STX17: variants seen among roughly 807,000 people sequenced by gnomAD.
The protein encoded by STX17 is syntaxin-17.
STX17 carries 29 observed loss-of-function variants against 35.9 expected under a neutral mutation model. The ratio of observed to expected loss-of-function variants is 0.81; its 90% CI spans 0.60 to 1.10. The LOEUF is 1.10. STX17 is among the 50% of genes least tolerant of loss of function. The pLI, the probability that STX17 is intolerant of heterozygous loss-of-function variation, is 0.00. For synonymous variants in STX17, 92 were observed against 118.3 expected (o/e 0.78, Z 1.44); for missense variants, 312 against 352.3 (o/e 0.89, Z 0.92).
At chr9:99,917,922 C>T (rs2118321249) in intron 2 of STX17, among the ~76,000 whole-genome samples, 1 of 152,214 alleles carries the variant, frequency 6.6e-6, no homozygotes, top group East Asian at 1.9e-4. Context: ...CTCATAGTAA[C>T]AGAGGTAGTC....
chr9:99,961,596 T>C (rs141225689), intron 6 of STX17, among the ~76,000 whole-genome samples: 23 of 152,270 alleles, frequency 1.5e-4, no homozygotes, highest in African/African-American at 5.3e-4. Flanking sequence ...TGTATGTATA[T>C]TTATGTATGT....
At chr9:99,966,034 T>G (rs1829905339) in intron 6 of STX17, among the ~76,000 whole-genome samples, 1 of 152,248 alleles carries the variant, frequency 6.6e-6, no homozygotes, top group South Asian at 2.1e-4. Flanking sequence ...GCCCTTGATC[T>G]GAGCACATAT....
At chr9:99,933,521 A>G (rs1453219034) in intron 3 of STX17, among the ~76,000 whole-genome samples, 1 of 152,084 alleles carries the variant, frequency 6.6e-6, no homozygotes, top group Non-Finnish European at 1.5e-5. Flanking sequence ...TACAATATCT[A>G]GTTTTCCTGC....
chr9:99,952,249 C>T (rs1829616378), intron 4 of STX17, among the ~76,000 whole-genome samples: 1 of 152,156 alleles, frequency 6.6e-6, no homozygotes, highest in African/African-American at 2.4e-5. Flanking sequence ...CAAAAGAAGA[C>T]ATTTATGCAG....
chr9:99,944,601 G>A (rs184323332), intron 3 of STX17, among the ~76,000 whole-genome samples: 20 of 150,938 alleles, frequency 1.3e-4, no homozygotes, highest in African/African-American at 4.4e-4. Context: ...TGCAACCTCC[G>A]CCTCTTGGGT....
At position 99,914,537 on chromosome 9, in the gene STX17, G is replaced by A. The variant is rs145559835; in HGVS notation, c.-62-641G>A. On this transcript the variant is annotated intron_variant, in intron 1 of 7. Coordinates refer to ENST00000259400, the MANE Select transcript of STX17 (RefSeq NM_017919.3). The stretch of plus-strand genomic sequence containing the variant: ...TTTCAATGTAATTTCAGAAAATCTG[G>A]GTTCTTATTCCAGCTCTGTCACTGG... Among the ~76,000 whole-genome samples the A allele has an allele frequency of 3.3e-5, 5 of 152,192 alleles. No individual in the cohort carries two copies. The East Asian group carries it at 5.8e-4, about 18-fold the overall frequency.
chr9:99,938,925 A>T (rs1411511635), intron 3 of STX17, among the ~76,000 whole-genome samples: 1 of 152,138 alleles, frequency 6.6e-6, no homozygotes, highest in Non-Finnish European at 1.5e-5. Context: ...GATTTCTGGG[A>T]TCCACATTAG....
At chr9:99,942,742 T>C (rs530486939) in intron 3 of STX17, among the ~76,000 whole-genome samples, 388 of 152,340 alleles carry the variant, frequency 2.5e-3, no homozygotes, top group South Asian at 4.1e-3. Context: ...GCTTTATTTT[T>C]TTTTCATAAG....
At chr9:99,942,086 C>T (rs989383257) in intron 3 of STX17, among the ~76,000 whole-genome samples, 6 of 152,124 alleles carry the variant, frequency 3.9e-5, no homozygotes, top group African/African-American at 1.4e-4. Context: ...ACATTCCTTC[C>T]AGCAGTGAGT....
At chr9:99,916,970 A>G (rs1442976738) in intron 2 of STX17, among the ~76,000 whole-genome samples, 2 of 152,192 alleles carry the variant, frequency 1.3e-5, no homozygotes, top group Non-Finnish European at 2.9e-5. Flanking sequence ...TCAGTCATCA[A>G]TGGAAAAGCC....
chr9:99,948,471 A>G (rs1217197639), intron 3 of STX17, among the ~76,000 whole-genome samples: 1 of 152,114 alleles, frequency 6.6e-6, no homozygotes, highest in Admixed American at 6.6e-5. Context: ...GTAATAAAGT[A>G]GTTAGAACAC....
intron 4 of STX17, among the ~76,000 whole-genome samples, chr9:99,957,854 T>C (rs1829743932): frequency 6.6e-6 from 1 of 151,958 alleles, no homozygotes; most frequent in Non-Finnish European, 1.5e-5. Flanking sequence ...GGTTTCGCCG[T>C]GTTGCCCAGG....
chr9:99,915,410 T>C (rs1216895077), intron 2 of STX17, 48 bp downstream of exon 2: 4 of 1,550,380 alleles, frequency 2.6e-6, no homozygotes, highest in African/African-American at 2.8e-5. Flanking sequence ...ATAGTTTGAT[T>C]TATATTGGTT....
chr9:99,914,013 C>G (rs1204215423), intron 1 of STX17: 1 of 150,578 alleles, frequency 6.6e-6, no homozygotes. Context: ...GCATGTTGCC[C>G]AGGCTGGCCA....
rs1305704983 is a variant in STX17 at position 99,972,970 on chromosome 9, G to A, written c.*4297G>A. Reference sequence around the variant, plus strand: ...AATCAGAGGCCTAATAAAAGGCAGGGGAGTTTCTCTTCTAGCCTAAATTAA... The same window carrying A: ...AATCAGAGGCCTAATAAAAGGCAGGAGAGTTTCTCTTCTAGCCTAAATTAA... On this transcript the variant is annotated 3_prime_UTR_variant, in exon 8 of 8. Coordinates refer to ENST00000259400, the MANE Select transcript of STX17 (RefSeq NM_017919.3). 6.6e-6 allele frequency among the ~76,000 whole-genome samples: 1 copy of A among 152,062 alleles called. No homozygotes were observed. Among genetic ancestry groups the A allele is most frequent in the Admixed American group, 6.6e-5 (1 of 15,262 alleles).
At chr9:99,921,323 T>C (rs916846097) in intron 2 of STX17, among the ~76,000 whole-genome samples, 2 of 151,938 alleles carry the variant, frequency 1.3e-5, no homozygotes, top group Non-Finnish European at 2.9e-5. Flanking sequence ...TCCATAAGAC[T>C]TTTTTTTATA....
chr9:99,948,959 G>T (rs183397008), intron 3 of STX17, among the ~76,000 whole-genome samples: 100 of 152,114 alleles, frequency 6.6e-4, no homozygotes, highest in African/African-American at 2.3e-3. Flanking sequence ...TCTGTAGACT[G>T]GTAACTATAT....
chr9:99,963,528 T>C (rs1369651901), intron 6 of STX17, among the ~76,000 whole-genome samples: 1 of 152,212 alleles, frequency 6.6e-6, no homozygotes, highest in African/African-American at 2.4e-5. Flanking sequence ...CAATGAGCTT[T>C]ATAACACTGA....
intron 1 of STX17, among the ~76,000 whole-genome samples, chr9:99,908,790 A>G (rs1196220541): frequency 6.6e-6 from 1 of 152,140 alleles, no homozygotes; most frequent in Non-Finnish European, 1.5e-5. Context: ...GCTCATTGCT[A>G]CTGGGGTAAC....
Sources: gnomAD v4.1 joint callset for allele counts (sites outside exome capture counted in the v4.1 genomes callset) on GRCh38, gnomAD v4.1.1 for gene constraint, MANE v1.5 for transcripts, NCBI Gene and HGNC (gene_info 2026-07-23, HGNC 2026-07-21) for gene names.